The following DPP6 variants were observed in gnomAD, a reference collection of about 807,000 sequenced individuals.
DPP6 encodes the protein dipeptidyl peptidase like 6.
A neutral mutation model predicts 122.6 loss-of-function variants in DPP6; 69 were observed. That is an observed-to-expected ratio of 0.56 (90% CI 0.46 to 0.69). The LOEUF is 0.69. DPP6 is among the 30% of genes least tolerant of loss of function. The pLI is 0.00. For missense variants in DPP6, 928 were observed against 1,116.9 expected, an observed-to-expected ratio of 0.83 and a Z score of 2.41; for synonymous variants, 418 against 433.1, an observed-to-expected ratio of 0.97 and a Z score of 0.43.
In DPP6 at chr7:154,438,469, CAAAAAAAAAAAAAAAAA is replaced by C. The variant is rs58978160; in HGVS notation, c.244-7733_244-7717del. 3.7e-3 allele frequency among the ~76,000 whole-genome samples: 139 copies of C among 37,490 alleles called. 2 individuals carry two copies. The highest frequency in any genetic ancestry group is 0.011 in the African/African-American group (128 of 11,452). 24.6% of individuals were successfully genotyped at this position (37,490 alleles called of 152,430 possible). A position where few individuals can be genotyped will look rare whatever the true frequency, so the allele number is the denominator to read the frequency against. On this transcript the variant is annotated intron_variant, in intron 1 of 25. Transcript: ENST00000377770. ...TGGGTGACAGAGTGAGACTCCAACTCAAAAAAAAAAAAAAAAAAAAAAAAAAAAGAAAAGAAAAAAAG... is the reference window on the plus strand; with the variant it reads ...TGGGTGACAGAGTGAGACTCCAACTCAAAAAAAAAAAGAAAAGAAAAAAAG...
At chr7:154,585,725 CAAG>C (rs1832397133) in intron 5 of DPP6, among the ~76,000 whole-genome samples, 2 of 152,158 alleles carry the variant, frequency 1.3e-5, no homozygotes, top group Non-Finnish European at 2.9e-5. Flanking sequence ...GAAATAATGA[CAAG>C]AAAAAATCTG....
chr7:154,764,193 G>T (rs1447264750), intron 8 of DPP6, among the ~76,000 whole-genome samples: 1 of 152,110 alleles, frequency 6.6e-6, no homozygotes, highest in Non-Finnish European at 1.5e-5. Context: ...GGCACCTGTT[G>T]GGCAGCTCTG....
chr7:154,545,893 C>A (rs980761858), intron 4 of DPP6, among the ~76,000 whole-genome samples: 6 of 152,168 alleles, frequency 3.9e-5, no homozygotes, highest in African/African-American at 1.4e-4. Flanking sequence ...ATTGACAATG[C>A]TATCAGTGAC....
At chr7:154,211,325 G>T (rs1302066117) in intron 1 of DPP6, among the ~76,000 whole-genome samples, 1 of 152,150 alleles carries the variant, frequency 6.6e-6, no homozygotes, top group African/African-American at 2.4e-5. Flanking sequence ...GCCCCCACCT[G>T]GGCATAGGTT....
At chr7:154,535,360 C>T (rs371790167) in intron 3 of DPP6, among the ~76,000 whole-genome samples, 65 of 148,504 alleles carry the variant, frequency 4.4e-4, no homozygotes, top group African/African-American at 1.5e-3. Context: ...AAGAAAAATA[C>T]AAAAAATAGA....
intron 1 of DPP6, among the ~76,000 whole-genome samples, chr7:153,982,844 G>T (rs746889475): frequency 6.6e-6 from 1 of 152,218 alleles, no homozygotes; most frequent in African/African-American, 2.4e-5. Flanking sequence ...GTCCACTCCA[G>T]ACCCTGTTTG....
the DPP6 span, among the ~76,000 whole-genome samples, chr7:153,776,440 G>T: frequency 6.6e-6 from 1 of 152,082 alleles, no homozygotes; most frequent in Non-Finnish European, 1.5e-5. Flanking sequence ...CATGAAGAAG[G>T]ACGTGTTTGC....
intron 1 of DPP6, chr7:154,059,136 G>A (rs866858296): frequency 1.4e-5 from 2 of 147,066 alleles, no homozygotes; most frequent in African/African-American, 5.2e-5. Flanking sequence ...ACGAGGGTGG[G>A]GACTGAGAGC....
the DPP6 span, among the ~76,000 whole-genome samples, chr7:153,823,655 G>A: frequency 1.3e-5 from 2 of 150,716 alleles, 1 homozygote; most frequent in South Asian, 4.2e-4. Flanking sequence ...TCAGGGAAGA[G>A]GACTCAGGGT....
chr7:154,577,555 A>G (rs1394589824), intron 5 of DPP6, among the ~76,000 whole-genome samples: 1 of 152,184 alleles, frequency 6.6e-6, no homozygotes, highest in Non-Finnish European at 1.5e-5. Flanking sequence ...AGTTCTGAAG[A>G]CCACCCACCA....
chr7:154,454,558 TC>T (rs1820660824), intron 2 of DPP6, among the ~76,000 whole-genome samples: 1 of 152,012 alleles, frequency 6.6e-6, no homozygotes, highest in Admixed American at 6.5e-5. Context: ...CCATGAGCCC[TC>T]GGGGGACAGA....
At chr7:153,902,832 G>A (rs1169335489) in intron 1 of DPP6, among the ~76,000 whole-genome samples, 9 of 150,268 alleles carry the variant, frequency 6.0e-5, no homozygotes, top group African/African-American at 9.8e-5. Flanking sequence ...GTGAAACCCC[G>A]TCAAAAAAAA....
At chr7:154,172,501 C>T (rs981139257) in intron 1 of DPP6, among the ~76,000 whole-genome samples, 1 of 152,124 alleles carries the variant, frequency 6.6e-6, no homozygotes, top group South Asian at 2.1e-4. Context: ...AACTTTCAAT[C>T]TTGGTCTGCT....
intron 7 of DPP6, among the ~76,000 whole-genome samples, chr7:154,692,835 G>T (rs761698763): frequency 1.1e-4 from 16 of 148,352 alleles, no homozygotes; most frequent in Non-Finnish European, 2.1e-4. Flanking sequence ...AGGCTGGAGT[G>T]CAGTGGCACA....
At chr7:154,613,341 G>T (rs1834024056) in intron 5 of DPP6, among the ~76,000 whole-genome samples, 1 of 152,058 alleles carries the variant, frequency 6.6e-6, no homozygotes, top group Non-Finnish European at 1.5e-5. Context: ...GATGAAGCAG[G>T]CTGGGTGCTG....
chr7:154,132,826 T>C (rs1053823807), intron 1 of DPP6, among the ~76,000 whole-genome samples: 3 of 152,066 alleles, frequency 2.0e-5, no homozygotes, highest in African/African-American at 7.3e-5. Context: ...CCTCCCGGTA[T>C]ATACAGCACG....
At chr7:153,807,634 G>A in the DPP6 span, among the ~76,000 whole-genome samples, 2 of 151,864 alleles carry the variant, frequency 1.3e-5, no homozygotes, top group Admixed American at 6.6e-5. Context: ...AGGTTTTGGC[G>A]GGGCTCGGGT....
chr7:154,583,629 T>C (rs1832231991), intron 5 of DPP6, among the ~76,000 whole-genome samples: 1 of 152,180 alleles, frequency 6.6e-6, no homozygotes. Context: ...TTAGAAACAC[T>C]GACTCGGGAC....
intron 10 of DPP6, among the ~76,000 whole-genome samples, chr7:154,778,833 T>C (rs1404810065): frequency 9.9e-6 from 1 of 101,368 alleles, no homozygotes; most frequent in African/African-American, 4.0e-5. Context: ...CTTCACCACC[T>C]GTACAACCTC....
Sources: gnomAD v4.1 joint callset for allele counts (sites outside exome capture counted in the v4.1 genomes callset) on GRCh38, gnomAD v4.1.1 for gene constraint, MANE v1.5 for transcripts, NCBI Gene and HGNC (gene_info 2026-07-23, HGNC 2026-07-21) for gene names.